Variants in SKAP2 observed in about 807,000 individuals in gnomAD.
SKAP2 encodes the protein src kinase associated phosphoprotein 2, also known as src kinase-associated phosphoprotein 2.
A neutral mutation model predicts 54.9 loss-of-function variants in SKAP2; 28 were observed. The ratio of observed to expected loss-of-function variants is 0.51; its 90% CI spans 0.38 to 0.70. SKAP2 has a LOEUF of 0.70. Ranked by LOEUF, SKAP2 falls within the 30% of genes least tolerant of loss-of-function variation. SKAP2 has a pLI of 0.00. For synonymous variants in SKAP2, 137 were observed against 134.3 expected (o/e 1.02, Z -0.14); for missense variants, 356 against 424.1 (o/e 0.84, Z 1.41).
At chr7:26,796,363 T>A (rs1783780218) in intron 4 of SKAP2, among the ~76,000 whole-genome samples, 1 of 152,196 alleles carries the variant, frequency 6.6e-6, no homozygotes, top group Non-Finnish European at 1.5e-5. Context: ...CATCTCCATG[T>A]GAGTAGTTCA....
At chr7:26,847,577 T>C (rs1784952555) in intron 3 of SKAP2, among the ~76,000 whole-genome samples, 1 of 151,858 alleles carries the variant, frequency 6.6e-6, no homozygotes, top group African/African-American at 2.4e-5. Flanking sequence ...CAGGTAAACA[T>C]ATCCAATATA....
downstream of SKAP2, among the ~76,000 whole-genome samples, chr7:26,666,715 C>A (rs1786111068): frequency 6.6e-6 from 1 of 152,126 alleles, no homozygotes. Context: ...AAATAATCAG[C>A]TTCCAATAAA....
intron 4 of SKAP2, among the ~76,000 whole-genome samples, chr7:26,799,022 A>T (rs1783845970): frequency 1.3e-5 from 2 of 150,544 alleles, no homozygotes; most frequent in African/African-American, 4.9e-5. Context: ...AAGGGAAGGA[A>T]AAAGGGGAGG....
chr7:26,682,731 T>C (rs1449242085), intron 11 of SKAP2, among the ~76,000 whole-genome samples: 1 of 152,226 alleles, frequency 6.6e-6, no homozygotes, highest in Non-Finnish European at 1.5e-5. Context: ...TGGAAGTATG[T>C]GCTTCCCATG....
At chr7:26,754,507 G>A (rs1362283273) in intron 4 of SKAP2, among the ~76,000 whole-genome samples, 3 of 151,792 alleles carry the variant, frequency 2.0e-5, no homozygotes, top group African/African-American at 7.3e-5. Flanking sequence ...CTATCTCACT[G>A]CAGGATCTGC....
rs1254911203 is a variant in SKAP2 at position 26,668,375 on chromosome 7, T to C, written c.*1291A>G. 1.3e-5 allele frequency: 2 copies of C among 152,160 alleles called. No individual in the cohort carries two copies. Among genetic ancestry groups the C allele is most frequent in the African/African-American group, 2.4e-5 (1 of 41,450 alleles). The allele number at this position is 152,160 out of a possible 1,614,324, so 9.4% of individuals were successfully genotyped here. A position where few individuals can be genotyped will look rare whatever the true frequency, so the allele number is the denominator to read the frequency against. ...TTTTAAACACCTCTGATTTCAAATA[T>C]ACATGAAAAGGTAATTATATGATTC... On this transcript the variant is annotated 3_prime_UTR_variant, in exon 13 of 13. Transcript: ENST00000345317.
intron 9 of SKAP2, among the ~76,000 whole-genome samples, chr7:26,712,183 A>G (rs568032370): frequency 7.9e-5 from 12 of 152,316 alleles, no homozygotes; most frequent in African/African-American, 2.9e-4. Flanking sequence ...CACTTGCATT[A>G]TACTGGTTGA....
rs548717497 is a variant in SKAP2 at position 26,855,663 on chromosome 7, A to G, written c.68-773T>C. On this transcript the variant is annotated intron_variant, in intron 1 of 12. Coordinates refer to ENST00000345317, the MANE Select transcript of SKAP2 (RefSeq NM_003930.5). ...ACATTCCCTCATAGCCTCTTTTTTT[A>G]ATTTTAGTAAACTTCTAAATTACGG... is the stretch of plus-strand genomic sequence containing the variant. Among the ~76,000 whole-genome samples, 115 of 152,140 alleles carry G rather than the reference A, an allele frequency of 7.6e-4. 1 individual carries two copies. The South Asian group carries it at 0.016, about 21-fold the overall frequency.
At chr7:26,824,384 T>C (rs1442837966) in intron 4 of SKAP2, among the ~76,000 whole-genome samples, 1 of 152,182 alleles carries the variant, frequency 6.6e-6, no homozygotes, top group Non-Finnish European at 1.5e-5. Flanking sequence ...TTTTAAAGGA[T>C]GACAAACACA....
At chr7:26,815,139 GGTATTAGAA>G (rs1784240894) in intron 4 of SKAP2, among the ~76,000 whole-genome samples, 2 of 151,730 alleles carry the variant, frequency 1.3e-5, no homozygotes, top group South Asian at 4.2e-4. Flanking sequence ...AGTATTACTG[GGTATTAGAA>G]GTTTATCTGT....
At position 26,669,293 on chromosome 7, in the gene SKAP2, T is replaced by C. The variant is rs1356224301; in HGVS notation, c.*373A>G. Reference sequence around the variant, plus strand: ...CTCTCTAAAAATAATTGATGTCCAATGATTAAGAAACATTACAAATCACAC... The same window carrying C: ...CTCTCTAAAAATAATTGATGTCCAACGATTAAGAAACATTACAAATCACAC... On this transcript the variant is annotated 3_prime_UTR_variant, in exon 13 of 13. Coordinates refer to ENST00000345317, the MANE Select transcript of SKAP2 (RefSeq NM_003930.5). 6.6e-6 allele frequency: 1 copy of C among 152,144 alleles called. No homozygotes were observed. The highest frequency in any genetic ancestry group is 1.5e-5 in the Non-Finnish European group (1 of 68,018). The allele number at this position is 152,144 out of a possible 1,614,324, so 9.4% of individuals were successfully genotyped here.
At chr7:26,757,118 A>G (rs1249540650) in intron 4 of SKAP2, among the ~76,000 whole-genome samples, 1 of 152,082 alleles carries the variant, frequency 6.6e-6, no homozygotes, top group Non-Finnish European at 1.5e-5. Flanking sequence ...CCCATTCTGT[A>G]GGTTGCCTGT....
chr7:26,765,800 A>G (rs1461759016), intron 4 of SKAP2, among the ~76,000 whole-genome samples: 1 of 152,134 alleles, frequency 6.6e-6, no homozygotes, highest in Non-Finnish European at 1.5e-5. Flanking sequence ...GTTATTTCTG[A>G]GGCCCCTGTT....
At chr7:26,693,259 G>A (rs1335958817) in intron 9 of SKAP2, among the ~76,000 whole-genome samples, 7 of 151,382 alleles carry the variant, frequency 4.6e-5, no homozygotes, top group Non-Finnish European at 1.0e-4. Flanking sequence ...TTGAACCTGG[G>A]AGGCGGAGGT....
At chr7:26,708,576 C>T (rs1168777881) in intron 9 of SKAP2, among the ~76,000 whole-genome samples, 2 of 152,130 alleles carry the variant, frequency 1.3e-5, no homozygotes, top group African/African-American at 4.8e-5. Flanking sequence ...AGTAAACTCC[C>T]CAACCTTAAT....
intron 4 of SKAP2, among the ~76,000 whole-genome samples, chr7:26,791,853 T>C (rs983079615): frequency 6.6e-5 from 10 of 152,284 alleles, no homozygotes; most frequent in South Asian, 2.1e-4. Flanking sequence ...TTCCACTCCA[T>C]AGAGATTTGA....
chr7:26,852,671 C>A (rs1483214393), intron 3 of SKAP2, among the ~76,000 whole-genome samples: 1 of 152,098 alleles, frequency 6.6e-6, no homozygotes, highest in Non-Finnish European at 1.5e-5. Flanking sequence ...ATCCACACAC[C>A]TGAACGAATT....
chr7:26,709,371 G>A (rs1426044554), intron 9 of SKAP2, among the ~76,000 whole-genome samples: 1 of 152,154 alleles, frequency 6.6e-6, no homozygotes, highest in African/African-American at 2.4e-5. Flanking sequence ...CAAAGGGTGT[G>A]GAGTGGAAAA....
chr7:26,767,796 T>C (rs1000657920), intron 4 of SKAP2, among the ~76,000 whole-genome samples: 1 of 152,220 alleles, frequency 6.6e-6, no homozygotes. Flanking sequence ...AATCCTGAGT[T>C]CTAATTTGCT....
Sources: allele counts gnomAD v4.1 joint callset (sites outside exome capture counted in the v4.1 genomes callset), GRCh38; gene constraint gnomAD v4.1.1; transcripts MANE v1.5; gene names NCBI Gene and HGNC (gene_info 2026-07-23, HGNC 2026-07-21).